The following SYT3 variants were observed in gnomAD, a reference collection of about 807,000 sequenced individuals.
The protein encoded by SYT3 is synaptotagmin 3.
In SYT3, 25 loss-of-function variants were observed where a neutral mutation model predicts 50.6. The observed-to-expected ratio is 0.49, with a 90% CI of 0.36 to 0.69. The LOEUF (loss-of-function observed/expected upper bound fraction) is 0.69. SYT3 is among the 30% of genes least tolerant of loss of function. The probability of loss-of-function intolerance (pLI) is 0.00; values close to 1 mark genes in which losing one functional copy is unlikely to be tolerated. For missense variants in SYT3, 589 were observed against 793.6 expected (o/e 0.74, Z 3.10); for synonymous variants, 323 against 353.9 (o/e 0.91, Z 0.98).
chr19:50,645,810 G>T, the SYT3 span, among the ~76,000 whole-genome samples: 1 of 152,174 alleles, frequency 6.6e-6, no homozygotes, highest in East Asian at 1.9e-4. Flanking sequence ...AGCCTAGAAG[G>T]TTGACGCTGC....
the SYT3 span, among the ~76,000 whole-genome samples, chr19:50,657,808 G>T: frequency 4.6e-5 from 7 of 152,194 alleles, no homozygotes; most frequent in African/African-American, 1.7e-4. Context: ...CCATCTGAGA[G>T]ATAATCTGTC....
Position 50,625,747 on chromosome 19 carries a change from AGG to A in SYT3, c.1402+148_1402+149del. ...CCTCCTCTCTCCGACCCAGGAGTCC[AGG>A]CCCCTGGCCCCTCCTCCCTCAGACC... is the stretch of plus-strand genomic sequence containing the variant. On this transcript the variant is annotated intron_variant, in intron 7 of 10. Transcript: ENST00000600079. The surrounding 1 kb of genome is among the most constrained non-coding windows in gnomAD (Gnocchi z 7.5). 7 of 1,027,476 alleles carry A rather than the reference AGG, an allele frequency of 6.8e-6. No homozygotes were observed. The highest frequency in any genetic ancestry group is 6.4e-5 in the South Asian group (4 of 62,032). 63.6% of individuals were successfully genotyped at this position (1,027,476 alleles called of 1,614,324 possible).
chr19:50,637,159 A>T lies in SYT3; in HGVS notation c.148+105T>A. ...GCAGGCAGAATGGGGGCAAGACGCT[A>T]CGAGGGACTGACCCCACAAGCAATG... On this transcript the variant is annotated intron_variant, in intron 3 of 10. Coordinates refer to ENST00000600079, the MANE Select transcript of SYT3 (RefSeq NM_001160329.2). This position sits in a 1 kb window ranked among gnomAD's most constrained non-coding sequence, Gnocchi z 4.9. 1 of 1,384,516 alleles carries T rather than the reference A, an allele frequency of 7.2e-7. No homozygotes were observed. Among genetic ancestry groups the T allele is most frequent in the Admixed American group, 1.8e-5 (1 of 55,758 alleles). The allele number at this position is 1,384,516 out of a possible 1,614,324, so 85.8% of individuals were successfully genotyped here. A position where few individuals can be genotyped will look rare whatever the true frequency, so the allele number is the denominator to read the frequency against.
chr19:50,652,371 G>A, the SYT3 span, among the ~76,000 whole-genome samples: 15 of 152,280 alleles, frequency 9.9e-5, no homozygotes, highest in East Asian at 2.9e-3. Context: ...TTGCTCAGAA[G>A]ACGTAGGGAA....
At chr19:50,648,797 T>A in the SYT3 span, among the ~76,000 whole-genome samples, 1 of 152,060 alleles carries the variant, frequency 6.6e-6, no homozygotes, top group Non-Finnish European at 1.5e-5. Context: ...TCTAACCAGT[T>A]CCTGGCTGGG....
chr19:50,648,275 G>T, the SYT3 span, among the ~76,000 whole-genome samples: 8 of 152,254 alleles, frequency 5.3e-5, no homozygotes, highest in African/African-American at 1.7e-4. Flanking sequence ...GGTTGACTTT[G>T]TAGCCTAGAT....
the SYT3 span, chr19:50,656,374 GCA>G: frequency 2.9e-5 from 44 of 1,520,924 alleles, no homozygotes; most frequent in East Asian, 7.9e-4. Context: ...CTTATTTTCT[GCA>G]CAGTTTTGGT....
At chr19:50,628,189 G>A (rs1429218712) in intron 6 of SYT3, among the ~76,000 whole-genome samples, 2 of 152,224 alleles carry the variant, frequency 1.3e-5, no homozygotes, top group East Asian at 3.8e-4. Context: ...ACCCCAGATT[G>A]GCAGAGAACT....
chr19:50,634,626 C>T (rs1307590475), intron 3 of SYT3, among the ~76,000 whole-genome samples: 2 of 128,762 alleles, frequency 1.6e-5, no homozygotes, highest in Admixed American at 1.9e-4. Context: ...CTCTATCATC[C>T]AGGCTGGAGT....
chr19:50,623,436 T>G (rs1415753416), intron 9 of SYT3, among the ~76,000 whole-genome samples: 1 of 151,918 alleles, frequency 6.6e-6, no homozygotes, highest in Admixed American at 6.6e-5. Context: ...CACCCAGTAC[T>G]AAATGTAAAT....
the SYT3 span, among the ~76,000 whole-genome samples, chr19:50,647,450 C>T: frequency 6.6e-6 from 1 of 151,908 alleles, no homozygotes; most frequent in Non-Finnish European, 1.5e-5. Flanking sequence ...CTTTGGGAGG[C>T]TGAGGTGGGA....
At chr19:50,641,242 C>A (rs547653774), upstream of SYT3, among the ~76,000 whole-genome samples, 2 of 134,164 alleles carry the variant, frequency 1.5e-5, no homozygotes, top group Admixed American at 8.4e-5. Context: ...TGTAGTGGCG[C>A]GATCTGGGCT....
the SYT3 span, among the ~76,000 whole-genome samples, chr19:50,657,659 T>C: frequency 6.6e-6 from 1 of 152,244 alleles, no homozygotes; most frequent in East Asian, 1.9e-4. Context: ...TGCAAATTGC[T>C]GGGAAAGTTT....
chr19:50,632,702 C>A lies in SYT3; in HGVS notation c.258G>T (p.Lys86Asn). 6.3e-7 allele frequency: 1 copy of A among 1,590,868 alleles called. No individual in the cohort carries two copies. Among genetic ancestry groups the A allele is most frequent in the Non-Finnish European group, 8.6e-7 (1 of 1,169,286 alleles). ...WKLCWVPWRD[K>N]GGSAVGGGPL... The stretch of plus-strand genomic sequence containing the variant: ...GGCCACCGCCCACTGCCGAGCCTCC[C>A]TTGTCCCGCCAGGGCACCCAGCACA... The change falls in exon 4 of 11, where the codon AAG becomes AAT. Residue 86 changes from lysine (K) to asparagine (N), a missense_variant. Transcript: ENST00000600079. The surrounding 1 kb of genome is among the most constrained non-coding windows in gnomAD (Gnocchi z 4.7).
the SYT3 span, chr19:50,656,076 C>A: frequency 6.5e-7 from 1 of 1,536,112 alleles, no homozygotes; most frequent in South Asian, 1.2e-5. Context: ...CCTGGAGACC[C>A]CAGAGGAGAT....
At chr19:50,641,426 C>G (rs1455178877), upstream of SYT3, among the ~76,000 whole-genome samples, 1 of 150,892 alleles carries the variant, frequency 6.6e-6, no homozygotes, top group African/African-American at 2.4e-5. Flanking sequence ...GCCTCGGCCT[C>G]CCAAAGTGCT....
intron 9 of SYT3, among the ~76,000 whole-genome samples, chr19:50,623,264 T>A (rs1192914825): frequency 6.6e-6 from 1 of 152,064 alleles, no homozygotes; most frequent in East Asian, 1.9e-4. Flanking sequence ...AATGAGTGAA[T>A]GACAGGAGGA....
the SYT3 span, among the ~76,000 whole-genome samples, chr19:50,657,226 C>A: frequency 6.6e-6 from 1 of 152,154 alleles, no homozygotes; most frequent in Non-Finnish European, 1.5e-5. Flanking sequence ...AACTCTCCAC[C>A]CTGCATACAG....
chr19:50,656,558 G>A, the SYT3 span, among the ~76,000 whole-genome samples: 349 of 152,270 alleles, frequency 2.3e-3, 1 homozygote, highest in Middle Eastern at 0.01. Flanking sequence ...GAGACCAACG[G>A]GCAAAGAAAG....
Sources: allele counts gnomAD v4.1 joint callset (sites outside exome capture counted in the v4.1 genomes callset), GRCh38; gene constraint gnomAD v4.1.1; non-coding constraint Gnocchi (gnomAD v3.1); transcripts MANE v1.5; gene names NCBI Gene and HGNC (gene_info 2026-07-23, HGNC 2026-07-21).